The following COL6A5 variants were observed in gnomAD, a reference collection of about 807,000 sequenced individuals.
The protein encoded by COL6A5 is collagen type VI alpha 5 chain, also known as collagen alpha-5(VI) chain.
In COL6A5, 48 loss-of-function variants were observed where a neutral mutation model predicts 65.6. That is an observed-to-expected ratio of 0.73 (90% confidence interval 0.58 to 0.93). COL6A5 has a LOEUF of 0.93. Ranked by LOEUF, COL6A5 falls within the 40% of genes least tolerant of loss-of-function variation. The pLI is 0.00. For synonymous variants in COL6A5, 291 were observed against 322.8 expected (o/e 0.90, Z 1.05); for missense variants, 914 against 928.3 (o/e 0.98, Z 0.20).
In COL6A5 at chr3:130,420,174, GA is replaced by G. The variant is rs1937486014; in HGVS notation, c.4951-978del. On this transcript the variant is annotated intron_variant and NMD_transcript_variant, in intron 25 of 41. Coordinates refer to the COL6A5 transcript ENST00000312481. The stretch of plus-strand genomic sequence containing the variant: ...GAAGGAAGAGAGGAAAGAAGGAGGA[GA>G]GGGGAAGAGAGAGAAGGAAAGAAAA... Among the ~76,000 whole-genome samples the G allele has an allele frequency of 3.9e-5, 6 of 151,954 alleles. No individual in the cohort carries two copies. In the South Asian group the frequency reaches 1.2e-3, roughly 32 times the overall value.
exon 6 of COL6A5, chr3:130,388,616 T>C: frequency 6.5e-7 from 1 of 1,549,064 alleles, no homozygotes; most frequent in South Asian, 1.2e-5. Flanking sequence ...ATGTTTCTGG[T>C]GGACAGTTCT....
At chr3:130,391,070 GT>G (rs772053607) in intron 6 of COL6A5, 108 bp from the exon 7 acceptor site, 32,284 of 754,728 alleles carry the variant, frequency 0.043, 853 homozygotes, top group South Asian at 0.082. Context: ...GAGATATAGT[GT>G]CTGACACATA....
At chr3:130,435,021 A>G (rs1937982365) in intron 1 of COL6A5, among the ~76,000 whole-genome samples, 1 of 152,162 alleles carries the variant, frequency 6.6e-6, no homozygotes, top group Admixed American at 6.5e-5. Context: ...GCCCATGCCT[A>G]TGTCCTGAAT....
chr3:130,484,106 C>G (rs770136562), exon 8 of COL6A5: 89 of 1,552,112 alleles, frequency 5.7e-5, no homozygotes, highest in Non-Finnish European at 6.8e-5. Flanking sequence ...CCATGTGGTT[C>G]TAACCAGAAT....
chr3:130,369,810 C>G (rs1055743714), intron 1 of COL6A5, among the ~76,000 whole-genome samples: 3 of 152,326 alleles, frequency 2.0e-5, no homozygotes, highest in Middle Eastern at 3.4e-3. Flanking sequence ...GCAAGGCCAG[C>G]TGATTGATGC....
At chr3:130,404,044 G>T (rs888442540) in intron 13 of COL6A5, among the ~76,000 whole-genome samples, 13 of 152,134 alleles carry the variant, frequency 8.5e-5, no homozygotes, top group African/African-American at 2.9e-4. Flanking sequence ...CAGGTTATCT[G>T]CCAGGGAGCT....
chr3:130,395,526 G>A, intron 8 of COL6A5, 61 bp downstream of exon 8: 1 of 1,229,034 alleles, frequency 8.1e-7, no homozygotes, highest in African/African-American at 1.5e-5. Context: ...TTTCCCAAGA[G>A]TGTCTTATGG....
chr3:130,383,209 A>T (rs1046975225), intron 4 of COL6A5, among the ~76,000 whole-genome samples: 2 of 152,198 alleles, frequency 1.3e-5, no homozygotes, highest in Middle Eastern at 3.4e-3. Flanking sequence ...CTAATAGGGT[A>T]GCTGCTAGTT....
intron 4 of COL6A5, 113 bp downstream of exon 36, chr3:130,443,679 C>T (rs374485724): frequency 2.4e-5 from 13 of 545,448 alleles, no homozygotes; most frequent in East Asian, 2.1e-4. Flanking sequence ...CTGAAGTAGA[C>T]ATTTTATGTA....
chr3:130,379,453 G>A (rs773633592), exon 4 of COL6A5: 42 of 1,550,926 alleles, frequency 2.7e-5, no homozygotes, highest in African/African-American at 1.8e-4. Context: ...AGATTCACTC[G>A]CTGACCTCGT....
chr3:130,409,512 G>C, intron 18 of COL6A5, 124 bp downstream of exon 18: 1 of 767,020 alleles, frequency 1.3e-6, no homozygotes, highest in Non-Finnish European at 2.0e-6. Flanking sequence ...GGGGTGATAG[G>C]TGTTGGCTGA....
intron 4 of COL6A5, among the ~76,000 whole-genome samples, chr3:130,444,951 A>G (rs1709273093): frequency 6.6e-6 from 1 of 152,234 alleles, no homozygotes; most frequent in Admixed American, 6.5e-5. Flanking sequence ...AATCCGAAGT[A>G]TTCCAATCAC....
exon 2 of COL6A5, chr3:130,439,532 C>T (rs1283302291): frequency 1.9e-6 from 3 of 1,550,408 alleles, no homozygotes; most frequent in Non-Finnish European, 1.7e-6. Context: ...TTTGACAACA[C>T]TGGAACATTT....
chr3:130,426,524 A>C, upstream of COL6A5: 2 of 1,006,830 alleles, frequency 2.0e-6, no homozygotes, highest in South Asian at 2.8e-5. Context: ...CTCTGTAACA[A>C]GCTTGTCTGG....
At chr3:130,477,936 C>T (rs1391792803) in intron 7 of COL6A5, among the ~76,000 whole-genome samples, 2 of 152,016 alleles carry the variant, frequency 1.3e-5, no homozygotes, top group Non-Finnish European at 2.9e-5. Flanking sequence ...AATTTGGCCA[C>T]AGAATCTTTT....
At chr3:130,425,418 AT>A (rs983913715) in intron 29 of COL6A5, among the ~76,000 whole-genome samples, 3 of 151,942 alleles carry the variant, frequency 2.0e-5, no homozygotes, top group Non-Finnish European at 4.4e-5. Context: ...ATGAAATCAC[AT>A]TTTTTTTGAA....
At chr3:130,401,144 G>A (rs1215310078) in exon 11 of COL6A5, 9 of 1,545,904 alleles carry the variant, frequency 5.8e-6, no homozygotes, top group African/African-American at 2.7e-5. Context: ...TGGAATGAGA[G>A]AACTGGGCAA....
At chr3:130,356,328 A>T (rs1934925602) in intron 1 of COL6A5, among the ~76,000 whole-genome samples, 1 of 152,150 alleles carries the variant, frequency 6.6e-6, no homozygotes. Flanking sequence ...TGTAGGGGAA[A>T]TGTTGAGACA....
chr3:130,439,670 G>A (rs1709128704), intron 2 of COL6A5, 55 bp downstream of exon 34: 2 of 1,197,116 alleles, frequency 1.7e-6, no homozygotes, highest in Admixed American at 4.4e-5. Flanking sequence ...CCTTCTAGAT[G>A]AGTTATTGAA....
Sources: gnomAD v4.1 joint callset for allele counts (sites outside exome capture counted in the v4.1 genomes callset) on GRCh38, gnomAD v4.1.1 for gene constraint, MANE v1.5 for transcripts, NCBI Gene and HGNC (gene_info 2026-07-23, HGNC 2026-07-21) for gene names.